The following FHOD3 variants were observed in gnomAD, a reference collection of about 807,000 sequenced individuals.
The protein encoded by FHOD3 is formin homology 2 domain containing 3.
FHOD3 carries 90 observed loss-of-function variants against 173.0 expected under a neutral mutation model. That is an observed-to-expected ratio of 0.52 (90% confidence interval 0.44 to 0.62). The LOEUF (loss-of-function observed/expected upper bound fraction) is 0.62. Ranked by LOEUF, FHOD3 falls within the 20% of genes least tolerant of loss-of-function variation. The pLI is 0.00. For missense variants in FHOD3, 1,945 were observed against 2,034.7 expected (o/e 0.96, Z 0.85); for synonymous variants, 828 against 823.0 (o/e 1.01, Z -0.10).
intron 3 of FHOD3, among the ~76,000 whole-genome samples, chr18:36,484,750 C>T (rs954309065): frequency 6.6e-6 from 1 of 152,026 alleles, no homozygotes; most frequent in African/African-American, 2.4e-5. Flanking sequence ...TCCAGCCCCC[C>T]AGGGGGTGTG....
At chr18:36,656,253 A>C (rs1286344288) in intron 13 of FHOD3, among the ~76,000 whole-genome samples, 2 of 152,008 alleles carry the variant, frequency 1.3e-5, no homozygotes, top group Admixed American at 1.3e-4. Flanking sequence ...TGTGCTTCCT[A>C]TGTGGCCTGT....
chr18:36,446,072 C>T (rs536697470), intron 3 of FHOD3, among the ~76,000 whole-genome samples: 3 of 152,178 alleles, frequency 2.0e-5, no homozygotes, highest in East Asian at 3.9e-4. Context: ...GTTGCCAGGA[C>T]AGCAGATAGA....
intron 5 of FHOD3, among the ~76,000 whole-genome samples, chr18:36,562,103 G>A (rs982322287): frequency 1.3e-5 from 2 of 151,882 alleles, no homozygotes; most frequent in East Asian, 1.9e-4. Context: ...TGCAACCTCC[G>A]CCTCCCGGAT....
At chr18:36,546,854 G>T (rs2057429608) in intron 5 of FHOD3, among the ~76,000 whole-genome samples, 1 of 152,114 alleles carries the variant, frequency 6.6e-6, no homozygotes, top group South Asian at 2.1e-4. Flanking sequence ...CTTCTTTACG[G>T]TCTCCTATGT....
intron 3 of FHOD3, among the ~76,000 whole-genome samples, chr18:36,423,711 G>A (rs1329722373): frequency 1.3e-5 from 2 of 152,188 alleles, no homozygotes; most frequent in East Asian, 3.8e-4. Context: ...ACAAGAAAGA[G>A]AAATGATTGC....
chr18:36,555,979 C>CT (rs2057863810), intron 5 of FHOD3, among the ~76,000 whole-genome samples: 1 of 151,858 alleles, frequency 6.6e-6, no homozygotes, highest in African/African-American at 2.4e-5. Flanking sequence ...TCAGGTCTTG[C>CT]TTTTTTATCC....
chr18:36,510,472 C>T (rs1294305315), intron 4 of FHOD3, among the ~76,000 whole-genome samples: 2 of 152,106 alleles, frequency 1.3e-5, no homozygotes, highest in Non-Finnish European at 2.9e-5. Flanking sequence ...CTCGCCTGTC[C>T]AGTGTTTTTT....
intron 4 of FHOD3, among the ~76,000 whole-genome samples, chr18:36,503,127 T>C (rs1207897754): frequency 6.6e-6 from 1 of 152,126 alleles, no homozygotes; most frequent in Non-Finnish European, 1.5e-5. Flanking sequence ...ATTCCTACCC[T>C]GAGAAAGTCA....
intron 3 of FHOD3, among the ~76,000 whole-genome samples, chr18:36,438,676 C>T (rs2050950596): frequency 6.6e-6 from 1 of 152,196 alleles, no homozygotes; most frequent in Non-Finnish European, 1.5e-5. Context: ...GTATGGAGGC[C>T]TGTACCTGGT....
intron 3 of FHOD3, among the ~76,000 whole-genome samples, chr18:36,380,752 A>C (rs549957063): frequency 1.3e-5 from 2 of 152,072 alleles, no homozygotes; most frequent in South Asian, 4.2e-4. Context: ...TACAAAGGTT[A>C]TTAGTTTGAG....
chr18:36,349,353 T>C (rs1188056309), intron 1 of FHOD3, among the ~76,000 whole-genome samples: 4 of 151,972 alleles, frequency 2.6e-5, no homozygotes, highest in African/African-American at 4.8e-5. Flanking sequence ...ATTCCAGGAG[T>C]AGAGGAAGAA....
chr18:36,458,983 G>T (rs922827056), intron 3 of FHOD3, among the ~76,000 whole-genome samples: 1 of 152,178 alleles, frequency 6.6e-6, no homozygotes, highest in Non-Finnish European at 1.5e-5. Context: ...TTGCCCAGGG[G>T]TGGCTTTCAG....
At chr18:36,459,242 G>C (rs750877822) in intron 3 of FHOD3, among the ~76,000 whole-genome samples, 15 of 152,252 alleles carry the variant, frequency 9.9e-5, no homozygotes, top group Non-Finnish European at 1.8e-4. Flanking sequence ...TTGCAGTCTA[G>C]TTGGGCAGAT....
At chr18:36,450,519 C>T (rs527325870) in intron 3 of FHOD3, among the ~76,000 whole-genome samples, 2 of 151,654 alleles carry the variant, frequency 1.3e-5, no homozygotes, top group South Asian at 4.2e-4. Context: ...AGGCCAGGCA[C>T]GGTGGCTCAA....
At chr18:36,392,295 A>C (rs1336450710) in intron 3 of FHOD3, among the ~76,000 whole-genome samples, 1 of 152,230 alleles carries the variant, frequency 6.6e-6, no homozygotes, top group East Asian at 1.9e-4. Context: ...AGCACAATGC[A>C]TAACACATGA....
intron 28 of FHOD3, among the ~76,000 whole-genome samples, chr18:36,776,685 G>A (rs2043678407): frequency 6.6e-6 from 1 of 152,176 alleles, no homozygotes; most frequent in Non-Finnish European, 1.5e-5. Context: ...CAAGCTAAGG[G>A]AATGAAGCCT....
chr18:36,347,450 T>G (rs1488816220), intron 1 of FHOD3, among the ~76,000 whole-genome samples: 1 of 152,232 alleles, frequency 6.6e-6, no homozygotes, highest in African/African-American at 2.4e-5. Context: ...TTTTGTTGAC[T>G]TAAATAGAAA....
chr18:36,553,604 G>T (rs534014213), intron 5 of FHOD3, among the ~76,000 whole-genome samples: 1 of 152,076 alleles, frequency 6.6e-6, no homozygotes, highest in Non-Finnish European at 1.5e-5. Flanking sequence ...GTTTATTTGC[G>T]TAGAGGTGTT....
At chr18:36,330,311 C>T (rs1210312272) in intron 1 of FHOD3, among the ~76,000 whole-genome samples, 1 of 152,116 alleles carries the variant, frequency 6.6e-6, no homozygotes, top group African/African-American at 2.4e-5. Flanking sequence ...AAAAGATACC[C>T]AAAGTAGCAG....
Sources: gnomAD v4.1 joint callset for allele counts (sites outside exome capture counted in the v4.1 genomes callset) on GRCh38, gnomAD v4.1.1 for gene constraint, MANE v1.5 for transcripts, NCBI Gene and HGNC (gene_info 2026-07-23, HGNC 2026-07-21) for gene names.